Variants in SMYD3 observed in about 807,000 individuals in gnomAD.
SMYD3 encodes histone-lysine N-methyltransferase SMYD3.
A neutral mutation model predicts 57.7 loss-of-function variants in SMYD3; 36 were observed. That is an observed-to-expected ratio of 0.62 (90% confidence interval 0.48 to 0.82). SMYD3 has a LOEUF of 0.82. Ranked by LOEUF, SMYD3 falls within the 40% of genes least tolerant of loss-of-function variation. The pLI is 0.00. For synonymous variants in SMYD3, 211 were observed against 195.0 expected (o/e 1.08, Z -0.68); for missense variants, 515 against 538.8 (o/e 0.96, Z 0.44).
chr1:245,937,744 A>G (rs1282051947), intron 5 of SMYD3, among the ~76,000 whole-genome samples: 1 of 152,222 alleles, frequency 6.6e-6, no homozygotes, highest in Non-Finnish European at 1.5e-5. Flanking sequence ...GCACTTAAAG[A>G]TTCTTTTGTT....
chr1:246,288,555 C>T (rs1486862226), intron 5 of SMYD3, among the ~76,000 whole-genome samples: 1 of 152,020 alleles, frequency 6.6e-6, no homozygotes, highest in Non-Finnish European at 1.5e-5. Context: ...CTAGTCCAGG[C>T]ACAAGACTAG....
At chr1:245,756,715 T>C in intron 11 of SMYD3, among the ~76,000 whole-genome samples, 1 of 152,026 alleles carries the variant, frequency 6.6e-6, no homozygotes, top group East Asian at 1.9e-4. Flanking sequence ...CTGGCTTCTG[T>C]GGTTTCTGAT....
chr1:245,946,041 T>C (rs976741651), intron 5 of SMYD3, among the ~76,000 whole-genome samples: 1 of 152,150 alleles, frequency 6.6e-6, no homozygotes, highest in African/African-American at 2.4e-5. Flanking sequence ...GATGGGGTGA[T>C]AGCTGCAGCA....
chr1:245,770,471 C>G (rs1011196974), intron 10 of SMYD3, among the ~76,000 whole-genome samples: 2 of 152,236 alleles, frequency 1.3e-5, no homozygotes, highest in African/African-American at 4.8e-5. Flanking sequence ...GAATGAATCA[C>G]TTCAAATCCT....
At chr1:245,858,407 G>A in intron 10 of SMYD3, 89 bp downstream of exon 10, 1 of 1,318,650 alleles carries the variant, frequency 7.6e-7, no homozygotes, top group African/African-American at 1.5e-5. Context: ...TCCATGCAAA[G>A]TAGTAATCAG....
At chr1:246,307,114 C>G (rs1040129352) in intron 5 of SMYD3, among the ~76,000 whole-genome samples, 2 of 152,158 alleles carry the variant, frequency 1.3e-5, no homozygotes, top group African/African-American at 4.8e-5. Context: ...AAATAGTTTT[C>G]ACACTTTTAG....
intron 1 of SMYD3, among the ~76,000 whole-genome samples, chr1:246,397,544 A>C (rs1397217193): frequency 6.6e-6 from 1 of 152,202 alleles, no homozygotes; most frequent in Non-Finnish European, 1.5e-5. Flanking sequence ...ACAAATGTTT[A>C]TTATTGCCAG....
chr1:246,266,894 TA>T (rs146236938), intron 5 of SMYD3, among the ~76,000 whole-genome samples: 9 of 148,634 alleles, frequency 6.1e-5, no homozygotes, highest in Admixed American at 2.0e-4. Context: ...TGATCCCAAG[TA>T]AAAAAAAAAG....
intron 5 of SMYD3, among the ~76,000 whole-genome samples, chr1:246,036,539 C>CTT (rs59062672): frequency 0.019 from 2,699 of 144,856 alleles, 61 homozygotes; most frequent in African/African-American, 0.058. Flanking sequence ...TTCTTTCTCT[C>CTT]TTTTTTTTTT....
rs34698516 is a variant in SMYD3, at chr1:246,029,673, G to GAA, written c.532-99738_532-99737dup. On this transcript the variant is annotated intron_variant, in intron 5 of 11. Transcript: ENST00000490107. Reference sequence around the variant, plus strand: ...GCTGACAGAGTGAGACTCTGTCTCAGAAAAAAAAAAAAAAAAAGAAAGAAA... The same window carrying GAA: ...GCTGACAGAGTGAGACTCTGTCTCAGAAAAAAAAAAAAAAAAAAAGAAAGAAA... 1.5e-3 allele frequency among the ~76,000 whole-genome samples: 132 copies of GAA among 88,130 alleles called. 1 individual carries two copies. In the South Asian group the frequency reaches 0.04, roughly 27 times the overall value. The allele number at this position is 88,130 out of a possible 152,430, so 57.8% of individuals were successfully genotyped here.
At chr1:246,119,270 T>A (rs916758194) in intron 5 of SMYD3, among the ~76,000 whole-genome samples, 22 of 152,136 alleles carry the variant, frequency 1.4e-4, no homozygotes, top group African/African-American at 5.3e-4. Flanking sequence ...AGTGCTGGGA[T>A]TACAGGCATG....
chr1:246,206,916 G>A lies in SMYD3; in HGVS notation c.531+120285C>T, dbSNP rs1026210064. 3.9e-5 allele frequency among the ~76,000 whole-genome samples: 6 copies of A among 152,094 alleles called. No homozygotes were observed. In the South Asian group the frequency reaches 8.3e-4, roughly 21 times the overall value. On this transcript the variant is annotated intron_variant, in intron 5 of 11. Transcript: ENST00000490107. The stretch of plus-strand genomic sequence containing the variant: ...AGCTAAATTCACAGAAAAATAACTC[G>A]TATTAATTATTGAATTCACTTTTCA...
chr1:245,817,399 A>G (rs1416241654), intron 10 of SMYD3, among the ~76,000 whole-genome samples: 2 of 148,646 alleles, frequency 1.3e-5, no homozygotes, highest in Non-Finnish European at 3.0e-5. Context: ...CCATCTGTAC[A>G]TCACCATCAT....
intron 5 of SMYD3, among the ~76,000 whole-genome samples, chr1:246,293,375 A>G (rs867995531): frequency 1.4e-4 from 22 of 152,218 alleles, no homozygotes; most frequent in African/African-American, 4.1e-4. Context: ...CTACTTTACC[A>G]TAGGTGTGGT....
chr1:246,184,891 G>A (rs541170056), intron 5 of SMYD3, among the ~76,000 whole-genome samples: 6 of 152,320 alleles, frequency 3.9e-5, no homozygotes, highest in Non-Finnish European at 5.9e-5. Flanking sequence ...CACCCAGTCT[G>A]TGGAGTTTTG....
intron 1 of SMYD3, among the ~76,000 whole-genome samples, chr1:246,427,540 A>AT (rs375390583): frequency 0.049 from 7,393 of 150,064 alleles, 634 homozygotes; most frequent in African/African-American, 0.17. Context: ...AAAATAAAAA[A>AT]AAATAAATGT....
chr1:245,805,296 C>A (rs1346794532), intron 10 of SMYD3, among the ~76,000 whole-genome samples: 1 of 152,132 alleles, frequency 6.6e-6, no homozygotes, highest in African/African-American at 2.4e-5. Context: ...TCATCAGAAG[C>A]AAGAAGCTGG....
intron 2 of SMYD3, among the ~76,000 whole-genome samples, chr1:246,345,571 G>A (rs931110963): frequency 2.0e-5 from 3 of 152,158 alleles, no homozygotes; most frequent in African/African-American, 7.2e-5. Context: ...TGGGTATCAT[G>A]CTGGTGCTTA....
chr1:245,840,557 A>G (rs1223880797), intron 10 of SMYD3, among the ~76,000 whole-genome samples: 1 of 152,192 alleles, frequency 6.6e-6, no homozygotes, highest in Admixed American at 6.5e-5. Flanking sequence ...CAGGTTGCCA[A>G]TAAAAGAATT....
Sources: allele counts gnomAD v4.1 joint callset (sites outside exome capture counted in the v4.1 genomes callset), GRCh38; gene constraint gnomAD v4.1.1; transcripts MANE v1.5; gene names NCBI Gene and HGNC (gene_info 2026-07-23, HGNC 2026-07-21).